CA10: variants seen among roughly 807,000 people sequenced by gnomAD.
CA10 encodes carbonic anhydrase-related protein 10.
Under a neutral mutation model 44.2 loss-of-function variants are expected in CA10, and 14 were observed. The observed-to-expected ratio is 0.32, with a 90% CI of 0.21 to 0.50. The LOEUF is 0.50. CA10 is among the 20% of genes least tolerant of loss of function. The pLI is 0.99. For missense variants in CA10, 350 were observed against 409.7 expected, an observed-to-expected ratio of 0.85 and a Z score of 1.26; for synonymous variants, 159 against 141.6, an observed-to-expected ratio of 1.12 and a Z score of -0.87.
chr17:51,848,212 T>G (rs867755836), intron 3 of CA10, among the ~76,000 whole-genome samples: 1 of 152,248 alleles, frequency 6.6e-6, no homozygotes, highest in African/African-American at 2.4e-5. Flanking sequence ...ATGCATCTCA[T>G]TGACTTATCC....
intron 4 of CA10, among the ~76,000 whole-genome samples, chr17:51,683,402 A>G (rs1914906952): frequency 4.6e-5 from 7 of 152,154 alleles, no homozygotes. Flanking sequence ...TTTCTTCTGT[A>G]AAATGGTGAT....
At chr17:52,049,867 C>G (rs941620153) in intron 2 of CA10, among the ~76,000 whole-genome samples, 2 of 152,024 alleles carry the variant, frequency 1.3e-5, no homozygotes, top group African/African-American at 2.4e-5. Context: ...ACTGGAATAC[C>G]ATATGTTTTA....
At chr17:51,767,331 A>C (rs1905423271) in intron 3 of CA10, among the ~76,000 whole-genome samples, 1 of 152,018 alleles carries the variant, frequency 6.6e-6, no homozygotes, top group Non-Finnish European at 1.5e-5. Flanking sequence ...TCTGGCTTTG[A>C]GCCTCTTAAA....
intron 1 of CA10, among the ~76,000 whole-genome samples, chr17:52,121,768 A>G (rs1256050990): frequency 6.6e-6 from 1 of 152,144 alleles, no homozygotes; most frequent in East Asian, 1.9e-4. Flanking sequence ...CTCAGAACAC[A>G]GTGAAAATTG....
intron 1 of CA10, among the ~76,000 whole-genome samples, chr17:52,150,783 A>T (rs762294645): frequency 6.6e-6 from 1 of 152,172 alleles, no homozygotes; most frequent in Non-Finnish European, 1.5e-5. Flanking sequence ...TGTACAGATG[A>T]TTCATTTCTC....
At chr17:51,878,215 G>T (rs1020933589) in intron 3 of CA10, among the ~76,000 whole-genome samples, 1 of 151,104 alleles carries the variant, frequency 6.6e-6, no homozygotes, top group Non-Finnish European at 1.5e-5. Context: ...AGCTGATAGT[G>T]CATCAGAATT....
intron 7 of CA10, among the ~76,000 whole-genome samples, chr17:51,634,689 A>G (rs1912745773): frequency 6.6e-6 from 1 of 152,212 alleles, no homozygotes; most frequent in Non-Finnish European, 1.5e-5. Context: ...TGATCCAAAA[A>G]AAACACTGCA....
chr17:52,028,790 C>A (rs894490946), intron 2 of CA10, among the ~76,000 whole-genome samples: 5 of 152,172 alleles, frequency 3.3e-5, no homozygotes, highest in Non-Finnish European at 4.4e-5. Flanking sequence ...TAATGCAAAC[C>A]CACAAAATTG....
intron 2 of CA10, among the ~76,000 whole-genome samples, chr17:52,048,566 A>T (rs1176293663): frequency 6.6e-6 from 1 of 152,060 alleles, no homozygotes; most frequent in Non-Finnish European, 1.5e-5. Context: ...TGAAACATCA[A>T]GGAGCCATGA....
At chr17:51,965,048 G>C (rs540762054) in intron 2 of CA10, among the ~76,000 whole-genome samples, 1 of 151,816 alleles carries the variant, frequency 6.6e-6, no homozygotes, top group African/African-American at 2.4e-5. Flanking sequence ...AGCACAATCA[G>C]AAACAACAAA....
chr17:52,079,172 G>C (rs1987897538), intron 1 of CA10, among the ~76,000 whole-genome samples: 1 of 152,176 alleles, frequency 6.6e-6, no homozygotes, highest in South Asian at 2.1e-4. Flanking sequence ...TGTAGTCCCA[G>C]CTACTCGGGA....
intron 2 of CA10, among the ~76,000 whole-genome samples, chr17:51,994,601 A>T (rs1440973547): frequency 6.6e-6 from 1 of 152,002 alleles, no homozygotes; most frequent in Admixed American, 6.6e-5. Flanking sequence ...AAGTCCAGAA[A>T]CTTCTCATCA....
chr17:51,898,319 A>G (rs1981160947), intron 3 of CA10, among the ~76,000 whole-genome samples: 1 of 151,858 alleles, frequency 6.6e-6, no homozygotes, highest in Non-Finnish European at 1.5e-5. Flanking sequence ...ATGATCATGT[A>G]GTTTTTTAGT....
intron 3 of CA10, 21 bp from the exon 4 acceptor site, chr17:51,747,839 G>A (rs1297614969): frequency 1.3e-6 from 2 of 1,583,276 alleles, no homozygotes; most frequent in Non-Finnish European, 1.7e-6. Context: ...ATTAGCAACA[G>A]GTCAAGCAAG....
intron 4 of CA10, among the ~76,000 whole-genome samples, chr17:51,669,907 A>T (rs1914353532): frequency 6.6e-6 from 1 of 152,150 alleles, no homozygotes; most frequent in African/African-American, 2.4e-5. Context: ...TAGCTCCCAT[A>T]ATTCCCACAT....
chr17:51,768,097 C>T (rs1905456800), intron 3 of CA10, among the ~76,000 whole-genome samples: 1 of 151,880 alleles, frequency 6.6e-6, no homozygotes, highest in African/African-American at 2.4e-5. Context: ...CCACAATTTC[C>T]TTCGGGAAAA....
intron 3 of CA10, among the ~76,000 whole-genome samples, chr17:51,800,398 G>A (rs1417356978): frequency 2.0e-5 from 3 of 152,230 alleles, no homozygotes; most frequent in Non-Finnish European, 4.4e-5. Context: ...TGATTAAAAT[G>A]TTTGAAAATT....
At chr17:51,650,378 TGCA>T (rs1222323846) in intron 5 of CA10, among the ~76,000 whole-genome samples, 2 of 152,300 alleles carry the variant, frequency 1.3e-5, no homozygotes, top group East Asian at 3.9e-4. Flanking sequence ...TTGGAAAAAT[TGCA>T]GCAGATGATT....
chr17:51,694,296 C>T (rs1915326643), intron 4 of CA10, among the ~76,000 whole-genome samples: 1 of 150,806 alleles, frequency 6.6e-6, no homozygotes, highest in Non-Finnish European at 1.5e-5. Context: ...TTTCCTTTTT[C>T]TCCACAGCTT....
Sources: gnomAD v4.1 joint callset for allele counts (sites outside exome capture counted in the v4.1 genomes callset) on GRCh38, gnomAD v4.1.1 for gene constraint, MANE v1.5 for transcripts, NCBI Gene and HGNC (gene_info 2026-07-23, HGNC 2026-07-21) for gene names.